Variants in L3MBTL4 observed in about 807,000 individuals in gnomAD.
L3MBTL4 encodes L3MBTL histone methyl-lysine binding protein 4.
In L3MBTL4, 70 loss-of-function variants were observed where a neutral mutation model predicts 84.5. The observed-to-expected ratio is 0.83, with a 90% CI of 0.68 to 1.01. The LOEUF is 1.01. Among genes scored for constraint, L3MBTL4 ranks in the 50% least tolerant of loss-of-function variants. The pLI is 0.00. For synonymous variants in L3MBTL4, 274 were observed against 259.8 expected (o/e 1.05, Z -0.52); for missense variants, 715 against 754.8 (o/e 0.95, Z 0.62).
At chr18:6,362,338 AAAG>A (rs1307670096) in intron 1 of L3MBTL4, among the ~76,000 whole-genome samples, 5 of 152,042 alleles carry the variant, frequency 3.3e-5, no homozygotes, top group African/African-American at 7.2e-5. Context: ...AGAAAGAAGA[AAAG>A]AAGAGAAAAG....
At chr18:6,096,048 T>C (rs2058633500) in intron 14 of L3MBTL4, among the ~76,000 whole-genome samples, 1 of 152,200 alleles carries the variant, frequency 6.6e-6, no homozygotes, top group Non-Finnish European at 1.5e-5. Flanking sequence ...TTGAGTTTTT[T>C]AAATGATCAT....
At chr18:6,156,519 T>G (rs74706394) in intron 13 of L3MBTL4, among the ~76,000 whole-genome samples, 228 of 152,290 alleles carry the variant, frequency 1.5e-3, no homozygotes, top group African/African-American at 5.3e-3. Context: ...AACAATTGCA[T>G]CCAGTTCCCT....
At position 6,077,696 on chromosome 18, in the gene L3MBTL4, G is replaced by A. The variant is rs1431936596; in HGVS notation, c.1444+3185C>T. ...AACCTCCCCTCATAGAAGAAATAGA[G>A]CACAAATTTTAGCCCATTTTCCTTA... is the stretch of plus-strand genomic sequence containing the variant. On this transcript the variant is annotated intron_variant, in intron 16 of 18. Transcript: ENST00000317931. 6.0e-5 allele frequency among the ~76,000 whole-genome samples: 9 copies of A among 149,938 alleles called. 1 individual carries two copies. Among genetic ancestry groups the A allele is most frequent in the African/African-American group, 1.7e-4 (7 of 40,530 alleles).
intron 16 of L3MBTL4, among the ~76,000 whole-genome samples, chr18:6,043,739 C>A (rs2056501676): frequency 6.6e-6 from 1 of 152,148 alleles, no homozygotes; most frequent in African/African-American, 2.4e-5. Context: ...ACAGTACTTA[C>A]TAAGTAGTAG....
At chr18:6,134,680 C>T (rs28807159) in intron 14 of L3MBTL4, among the ~76,000 whole-genome samples, 1,594 of 152,328 alleles carry the variant, frequency 0.01, 28 homozygotes, top group African/African-American at 0.036. Context: ...GTCTCACATC[C>T]AAGCCACGCT....
intron 16 of L3MBTL4, among the ~76,000 whole-genome samples, chr18:6,002,658 C>T (rs985466748): frequency 6.6e-6 from 1 of 151,784 alleles, no homozygotes; most frequent in Non-Finnish European, 1.5e-5. Context: ...GTATAATGTA[C>T]ATGGTCATCA....
intron 4 of L3MBTL4, among the ~76,000 whole-genome samples, chr18:6,281,448 G>A (rs1427523117): frequency 1.3e-5 from 2 of 152,182 alleles, no homozygotes; most frequent in Non-Finnish European, 2.9e-5. Flanking sequence ...GTCATAAATT[G>A]TCAGGGCTGA....
intron 12 of L3MBTL4, among the ~76,000 whole-genome samples, chr18:6,192,375 A>G (rs1029240760): frequency 6.6e-6 from 1 of 152,088 alleles, no homozygotes; most frequent in Non-Finnish European, 1.5e-5. Flanking sequence ...GAGGATGGGC[A>G]TGTAGATAAG....
chr18:6,304,014 C>CAAAAAAAAAAAAAAACAAAAAAA (rs2050463959), intron 3 of L3MBTL4, among the ~76,000 whole-genome samples: 1 of 52,726 alleles, frequency 1.9e-5, no homozygotes, highest in Non-Finnish European at 4.2e-5. Flanking sequence ...AACTCCATCT[C>CAAAAAAAAAAAAAAACAAAAAAA]AAAAAAAAAA....
chr18:6,171,654 C>T (rs1025174537), intron 13 of L3MBTL4, among the ~76,000 whole-genome samples, 174 bp downstream of exon 13: 5 of 152,226 alleles, frequency 3.3e-5, no homozygotes, highest in East Asian at 1.9e-4. Context: ...ATTAACATAA[C>T]GCATGCCCTT....
rs575785260 is a variant in L3MBTL4, at chr18:5,998,289, G to A, written c.1445-28727C>T. On this transcript the variant is annotated intron_variant, in intron 16 of 18. Coordinates refer to ENST00000317931, the MANE Select transcript of L3MBTL4 (RefSeq NM_001330559.2). ...AGGTGTAACAAACTGCTGCCATAGC[G>A]GGAGGGGGACTAGGAACAGGGAGAA... Among the ~76,000 whole-genome samples, 10 of 152,280 alleles carry A rather than the reference G, an allele frequency of 6.6e-5. No homozygotes were observed. The South Asian group carries it at 1.2e-3, about 19-fold the overall frequency.
chr18:6,162,482 T>C (rs570552048), intron 13 of L3MBTL4, among the ~76,000 whole-genome samples: 1 of 152,250 alleles, frequency 6.6e-6, no homozygotes, highest in African/African-American at 2.4e-5. Context: ...TTTATTCATA[T>C]ATGATAAAAT....
chr18:6,040,445 A>C (rs1385914343), intron 16 of L3MBTL4, among the ~76,000 whole-genome samples: 1 of 152,198 alleles, frequency 6.6e-6, no homozygotes, highest in Non-Finnish European at 1.5e-5. Context: ...TATAGCATTG[A>C]GATAGAGATA....
intron 18 of L3MBTL4, among the ~76,000 whole-genome samples, chr18:5,958,042 AGG>A: frequency 7.7e-6 from 1 of 129,870 alleles, no homozygotes; most frequent in East Asian, 2.6e-4. Flanking sequence ...GAGGAGGAGG[AGG>A]AGAAGGAGAA....
chr18:6,184,551 T>TA (rs1276640909), intron 12 of L3MBTL4, among the ~76,000 whole-genome samples: 1 of 152,250 alleles, frequency 6.6e-6, no homozygotes, highest in Non-Finnish European at 1.5e-5. Flanking sequence ...CCAACATTGT[T>TA]ATTCAAGAAA....
intron 1 of L3MBTL4, among the ~76,000 whole-genome samples, chr18:6,403,019 T>A (rs2055575617): frequency 6.6e-6 from 1 of 152,194 alleles, no homozygotes; most frequent in South Asian, 2.1e-4. Flanking sequence ...GGGGATTTTT[T>A]AAATATGTGT....
intron 13 of L3MBTL4, among the ~76,000 whole-genome samples, chr18:6,170,562 C>T (rs16949537): frequency 0.053 from 7,998 of 152,102 alleles, 706 homozygotes; most frequent in African/African-American, 0.18. Context: ...TGGGATGCTT[C>T]TGAGACATTC....
intron 5 of L3MBTL4, 26 bp from the exon 6 acceptor site, chr18:6,244,614 A>G: frequency 6.9e-7 from 1 of 1,452,262 alleles, no homozygotes; most frequent in Non-Finnish European, 9.7e-7. Context: ...ACATAACATT[A>G]GCCACTGAGA....
At chr18:6,157,966 G>T (rs1324818670) in intron 13 of L3MBTL4, among the ~76,000 whole-genome samples, 1 of 152,082 alleles carries the variant, frequency 6.6e-6, no homozygotes, top group East Asian at 1.9e-4. Flanking sequence ...GGTTATTCTT[G>T]GCCTGTGTCT....
Sources: gnomAD v4.1 joint callset for allele counts (sites outside exome capture counted in the v4.1 genomes callset) on GRCh38, gnomAD v4.1.1 for gene constraint, MANE v1.5 for transcripts, NCBI Gene and HGNC (gene_info 2026-07-23, HGNC 2026-07-21) for gene names.